ATAD5: variants seen among roughly 807,000 people sequenced by gnomAD.
ATAD5 encodes ATPase family AAA domain-containing protein 5.
ATAD5 carries 58 observed loss-of-function variants against 176.9 expected under a neutral mutation model. That is an observed-to-expected ratio of 0.33 (90% CI 0.27 to 0.41). The LOEUF is 0.41. ATAD5 is among the 10% of genes least tolerant of loss of function. ATAD5 has a pLI of 1.00. For missense variants in ATAD5, 1,789 were observed against 2,094.1 expected (o/e 0.85, Z 2.84); for synonymous variants, 640 against 712.6 (o/e 0.90, Z 1.62).
chr17:30,884,868 C>T (rs1909229419), intron 18 of ATAD5, among the ~76,000 whole-genome samples: 1 of 151,702 alleles, frequency 6.6e-6, no homozygotes, highest in Non-Finnish European at 1.5e-5. Context: ...CTGCCTCAGC[C>T]TCCCGAGTAG....
At chr17:30,855,000 C>A in intron 6 of ATAD5, 143 bp from the exon 7 acceptor site, 1 of 702,368 alleles carries the variant, frequency 1.4e-6, no homozygotes, top group Non-Finnish European at 2.2e-6. Flanking sequence ...CTTAAGTGAT[C>A]CGCCCACCTC....
rs750828539 is a variant in ATAD5, at chr17:30,893,796, C to A, written c.4943C>A (p.Ser1648Tyr). Reference sequence around the variant, plus strand: ...GCCCTTGTTTCTCATTGTTTAAATTCTCTCTCTGAGTTCATGGATAACATG... The same window carrying A: ...GCCCTTGTTTCTCATTGTTTAAATTATCTCTCTGAGTTCATGGATAACATG... ...CSALVSHCLN[S>Y]LSEFMDNMSF... The change falls in exon 21 of 23, where the codon TCT (serine) becomes TAT (tyrosine). Residue 1648 changes from serine to tyrosine, a missense_variant. Physicochemically the swap from Ser to Tyr is moderately radical, Grantham distance 144. Around this residue, in one of 6 missense-constraint regions of ATAD5, gnomAD observed 403 missense variants for 495.1 expected, o/e 0.81. Transcript: ENST00000321990. 9 of 1,614,076 alleles carry A rather than the reference C, an allele frequency of 5.6e-6. No individual in the cohort carries two copies. Among genetic ancestry groups the A allele is most frequent in the African/African-American group, 1.3e-5 (1 of 75,060 alleles).
chr17:30,883,394 T>C (rs888585979), intron 18 of ATAD5, among the ~76,000 whole-genome samples: 1 of 152,248 alleles, frequency 6.6e-6, no homozygotes, highest in Non-Finnish European at 1.5e-5. Context: ...CCCGAAGTGC[T>C]GGTATTACAT....
chr17:30,878,020 T>C lies in ATAD5; in HGVS notation c.3936T>C (p.Asp1312=), dbSNP rs1296992341. 2 of 1,610,398 alleles carry C rather than the reference T, an allele frequency of 1.2e-6. No homozygotes were observed. The highest frequency in any genetic ancestry group is 1.7e-6 in the Non-Finnish European group (2 of 1,177,800). Residue 1312 remains aspartate, a synonymous_variant, in exon 17 of 23, where the codon GAT becomes GAC. Transcript: ENST00000321990. ...AACTGTAGGTTGATGTAATTTTTGA[T>C]GAAGATGCTGGGTTTTTGAATGCAA... The part of the protein sequence containing the change: ...ILFEEVDVIF[D]EDAGFLNAIK...
intron 18 of ATAD5, among the ~76,000 whole-genome samples, chr17:30,879,856 C>T (rs1908910404): frequency 6.6e-6 from 1 of 151,948 alleles, no homozygotes; most frequent in Admixed American, 6.6e-5. Flanking sequence ...GCCACTGCGC[C>T]CGGTCCAATA....
chr17:30,858,361 G>GT (rs772097263), intron 9 of ATAD5, 38 bp downstream of exon 9: 2 of 1,297,144 alleles, frequency 1.5e-6, no homozygotes, highest in Non-Finnish European at 2.0e-6. Flanking sequence ...TAACATACCA[G>GT]TTTTGGGTTT....
At chr17:30,874,797 A>AT (rs1363383321) in intron 14 of ATAD5, among the ~76,000 whole-genome samples, 2 of 150,820 alleles carry the variant, frequency 1.3e-5, no homozygotes, top group Non-Finnish European at 3.0e-5. Context: ...TCCCCAGCTA[A>AT]TTTTTGTATT....
chr17:30,834,717 T>C lies in ATAD5; in HGVS notation c.636T>C (p.Asp212=). 1 of 1,612,614 alleles carries C rather than the reference T, an allele frequency of 6.2e-7. No individual in the cohort carries two copies. The highest frequency in any genetic ancestry group is 8.5e-7 in the Non-Finnish European group (1 of 1,179,580). ...AGTTGAGAAAAAGGAAATGCAGAGATGTAGTAGATCTATCTGAAAGCTTAC... is the reference window on the plus strand; with the variant it reads ...AGTTGAGAAAAAGGAAATGCAGAGACGTAGTAGATCTATCTGAAAGCTTAC... The part of the protein sequence containing the change: ...FKKLRKRKCR[D]VVDLSESLPL... The change falls in exon 2 of 23, where the codon GAT becomes GAC. Residue 212 remains aspartate, a synonymous_variant. Coordinates refer to ENST00000321990, the MANE Select transcript of ATAD5 (RefSeq NM_024857.5).
chr17:30,872,967 A>C (rs1236687394), intron 14 of ATAD5, among the ~76,000 whole-genome samples: 1 of 152,202 alleles, frequency 6.6e-6, no homozygotes, highest in Non-Finnish European at 1.5e-5. Flanking sequence ...TGTTCACCTT[A>C]TTTGTTTTTA....
At chr17:30,863,315 C>T (rs181443035) in intron 10 of ATAD5, among the ~76,000 whole-genome samples, 280 of 152,206 alleles carry the variant, frequency 1.8e-3, no homozygotes, top group African/African-American at 6.4e-3. Flanking sequence ...TCTGCCTCAG[C>T]CTCCTGAGTA....
At chr17:30,840,201 A>G (rs1386281493) in intron 3 of ATAD5, among the ~76,000 whole-genome samples, 1 of 149,162 alleles carries the variant, frequency 6.7e-6, no homozygotes, top group African/African-American at 2.5e-5. Context: ...CTGTTAAAAA[A>G]AAAAAAAAAA....
rs1190391227 is a variant in ATAD5, at chr17:30,834,809, C to T, written c.728C>T (p.Thr243Ile). 1.9e-6 allele frequency: 3 copies of T among 1,613,850 alleles called. No homozygotes were observed. In the African/African-American group the frequency reaches 4.0e-5, roughly 22 times the overall value. ...GKDTKQMENT[T>I]SHANSRDNVT... ...GATACTAAACAGATGGAGAATACTACAAGCCATGCAAACTCTAGAGATAAC... is the reference window on the plus strand; with the variant it reads ...GATACTAAACAGATGGAGAATACTATAAGCCATGCAAACTCTAGAGATAAC... The change falls in exon 2 of 23, where the codon ACA (threonine) becomes ATA (isoleucine). Residue 243 changes from threonine (T) to isoleucine (I), a missense_variant. Thr to Ile is a moderately conservative substitution (Grantham distance 89). Around this residue, in one of 6 missense-constraint regions of ATAD5, gnomAD observed 696 missense variants for 712.5 expected, o/e 0.98. Transcript: ENST00000321990.
chr17:30,866,371 T>C lies in ATAD5; in HGVS notation c.3233+571T>C, dbSNP rs1017709808. 4.6e-5 allele frequency among the ~76,000 whole-genome samples: 7 copies of C among 150,856 alleles called. 1 individual carries two copies. In the South Asian group the frequency reaches 6.2e-4, roughly 13 times the overall value. On this transcript the variant is annotated intron_variant, in intron 11 of 22. Transcript: ENST00000321990. Reference sequence around the variant, plus strand: ...CACCGCCATGCCAGGCTAATTTTTGTATTTTTGGTAGAGACAGTTTCGCCA... The same window carrying C: ...CACCGCCATGCCAGGCTAATTTTTGCATTTTTGGTAGAGACAGTTTCGCCA...
chr17:30,886,674 A>G (rs960243933), intron 18 of ATAD5, among the ~76,000 whole-genome samples: 1 of 151,872 alleles, frequency 6.6e-6, no homozygotes, highest in African/African-American at 2.4e-5. Context: ...TTGGAAGGCT[A>G]AGGCAGGAAG....
rs1598000339 is a variant in ATAD5 at position 30,889,965 on chromosome 17, C to T, written c.4258+2593C>T. Among the ~76,000 whole-genome samples the T allele has an allele frequency of 3.5e-5, 5 of 142,552 alleles. No homozygotes were observed. The South Asian group carries it at 1.1e-3, about 32-fold the overall frequency. The allele number at this position is 142,552 out of a possible 152,430, so 93.5% of individuals were successfully genotyped here. On this transcript the variant is annotated intron_variant, in intron 19 of 22. Transcript: ENST00000321990. ...AGTGCAGTGGCAGTGCAGCATGGCTCACTCCAGCTTAATCTCCTGGACTCG... is the reference window on the plus strand; with the variant it reads ...AGTGCAGTGGCAGTGCAGCATGGCTTACTCCAGCTTAATCTCCTGGACTCG...
Position 30,835,401 on chromosome 17 carries a change from T to C in ATAD5, c.1320T>C (p.Asp440=). 11 of 1,611,406 alleles carry C rather than the reference T, an allele frequency of 6.8e-6. No homozygotes were observed. The highest frequency in any genetic ancestry group is 9.3e-6 in the Non-Finnish European group (11 of 1,179,348). ...AATGTCTATATGAAGTAGGAAGAGA[T>C]GATAATTCTAAAAAAATCATGGAAA... ...NEKCLYEVGR[D]DNSKKIMENS... Residue 440 remains aspartate (D), a synonymous_variant, in exon 2 of 23, where the codon GAT becomes GAC. Coordinates refer to ENST00000321990, the MANE Select transcript of ATAD5 (RefSeq NM_024857.5).
Position 30,865,725 on chromosome 17 carries a change from T to C in ATAD5, c.3158T>C (p.Leu1053Pro). 6.3e-7 allele frequency: 1 copy of C among 1,580,746 alleles called. No individual in the cohort carries two copies. Residue 1053 changes from leucine (L) to proline (P), a missense_variant, in exon 11 of 23, where the codon CTT (leucine) becomes CCT (proline). By Grantham distance (98) the Leu-to-Pro change is moderately conservative. This residue lies in a region of ATAD5 where 487 missense variants were observed against 573.6 expected (regional missense o/e 0.85). Transcript: ENST00000321990. Reference protein sequence around the residue: ...SSKDSGTEDMLWTEKYQPQTA... With the variant: ...SSKDSGTEDMPWTEKYQPQTA... ...TTAGATTCTGGAACTGAAGACATGC[T>C]TTGGACAGAAAAGTATCAACCTCAG...
At chr17:30,868,141 A>G (rs963057177) in intron 11 of ATAD5, among the ~76,000 whole-genome samples, 192 bp from the exon 12 acceptor site, 11 of 152,218 alleles carry the variant, frequency 7.2e-5, no homozygotes, top group Admixed American at 5.9e-4. Flanking sequence ...AGCACTGTGG[A>G]GTGTTTAGAA....
In ATAD5 at chr17:30,834,365, A is replaced by C; in HGVS notation, c.284A>C (p.Asn95Thr). Residue 95 changes from asparagine (N) to threonine (T), a missense_variant, in exon 2 of 23, where the codon AAC becomes ACC. Asn to Thr is a moderately conservative substitution (Grantham distance 65). This residue lies in a region of ATAD5 where 696 missense variants were observed against 712.5 expected (regional missense o/e 0.98). Transcript: ENST00000321990. ...KSPESVPVDS[N>T]KDCTTPLEMF... ...CCTGAATCAGTACCTGTTGACAGCA[A>C]CAAAGACTGTACGACACCTTTGGAA... The C allele has an allele frequency of 6.2e-7, 1 of 1,609,892 alleles. No homozygotes were observed. The highest frequency in any genetic ancestry group is 8.5e-7 in the Non-Finnish European group (1 of 1,178,620).
Sources: gnomAD v4.1 joint callset for allele counts (sites outside exome capture counted in the v4.1 genomes callset) on GRCh38, gnomAD v4.1.1 for gene constraint, gnomAD v4.1.1 regional missense constraint, MANE v1.5 for transcripts, NCBI Gene and HGNC (gene_info 2026-07-23, HGNC 2026-07-21) for gene names.